The following GSG1L variants were observed in gnomAD, a reference collection of about 807,000 sequenced individuals.
GSG1L encodes the protein GSG1 like.
In GSG1L, 24 loss-of-function variants were observed where a neutral mutation model predicts 42.1. The observed-to-expected ratio is 0.57, with a 90% CI of 0.41 to 0.80. GSG1L has a LOEUF of 0.80. Ranked by LOEUF, GSG1L falls within the 30% of genes least tolerant of loss-of-function variation. The pLI is 0.00. For synonymous variants in GSG1L, 215 were observed against 203.5 expected (o/e 1.06, Z -0.48); for missense variants, 445 against 472.2 (o/e 0.94, Z 0.53).
intron 2 of GSG1L, among the ~76,000 whole-genome samples, chr16:27,905,477 C>T (rs2084310382): frequency 6.6e-6 from 1 of 151,952 alleles, no homozygotes; most frequent in African/African-American, 2.4e-5. Flanking sequence ...TGTCATGCTG[C>T]CTGGCTAATT....
At chr16:28,047,653 A>G (rs12103069) in intron 1 of GSG1L, among the ~76,000 whole-genome samples, 2,872 of 152,296 alleles carry the variant, frequency 0.019, 73 homozygotes, top group African/African-American at 0.066. Flanking sequence ...GGATAGCAAT[A>G]TTAAAATATG....
At chr16:27,902,147 G>A (rs114904524) in intron 2 of GSG1L, among the ~76,000 whole-genome samples, 4 of 152,306 alleles carry the variant, frequency 2.6e-5, no homozygotes, top group South Asian at 2.1e-4. Flanking sequence ...TCCAGCACCC[G>A]CTCCGGGAAC....
intron 6 of GSG1L, among the ~76,000 whole-genome samples, chr16:27,796,237 C>T (rs1388172412): frequency 6.6e-6 from 1 of 152,214 alleles, no homozygotes; most frequent in African/African-American, 2.4e-5. Context: ...ACAGGTCCGC[C>T]CAAAGCCAAC....
At chr16:27,961,967 C>T (rs928124150) in intron 2 of GSG1L, among the ~76,000 whole-genome samples, 1 of 152,322 alleles carries the variant, frequency 6.6e-6, no homozygotes, top group South Asian at 2.1e-4. Context: ...ATGTCACCAG[C>T]TTCCAGGACA....
chr16:27,929,028 C>T (rs996196348), intron 2 of GSG1L, among the ~76,000 whole-genome samples: 1 of 152,224 alleles, frequency 6.6e-6, no homozygotes, highest in African/African-American at 2.4e-5. Flanking sequence ...CTTTTAAAAA[C>T]TAACAATGCC....
intron 1 of GSG1L, among the ~76,000 whole-genome samples, chr16:28,004,281 G>A (rs547589658): frequency 1.3e-4 from 20 of 152,176 alleles, no homozygotes; most frequent in Non-Finnish European, 2.4e-4. Context: ...GCTGGCATCT[G>A]GGCCTTGGTC....
At chr16:27,940,213 G>T (rs921588382) in intron 2 of GSG1L, among the ~76,000 whole-genome samples, 13 of 152,254 alleles carry the variant, frequency 8.5e-5, no homozygotes, top group Admixed American at 3.9e-4. Flanking sequence ...ACAGGTTCTG[G>T]AGAGGATGTG....
intron 1 of GSG1L, among the ~76,000 whole-genome samples, chr16:28,037,419 T>G (rs1339632703): frequency 1.3e-5 from 2 of 152,228 alleles, no homozygotes; most frequent in African/African-American, 4.8e-5. Context: ...GTGGAGAAAC[T>G]TCTTCCCCTC....
At chr16:27,791,534 GC>G in intron 6 of GSG1L, 67 bp from the exon 7 acceptor site, 6 of 1,043,472 alleles carry the variant, frequency 5.8e-6, no homozygotes, top group South Asian at 2.5e-5. Context: ...TCTACCCACC[GC>G]CCCCCACCCA....
intron 3 of GSG1L, among the ~76,000 whole-genome samples, chr16:27,882,980 G>C (rs1459355449): frequency 4.6e-5 from 7 of 151,850 alleles, no homozygotes; most frequent in African/African-American, 1.7e-4. Flanking sequence ...CGTGGTCGGG[G>C]GGATGGGGGT....
At chr16:27,948,908 C>CTATTATTAATTATTAT (rs1555510176) in intron 2 of GSG1L, among the ~76,000 whole-genome samples, 1 of 141,360 alleles carries the variant, frequency 7.1e-6, no homozygotes, top group African/African-American at 2.7e-5. Flanking sequence ...CGCACCTGAT[C>CTATTATTAATTATTAT]TATTATTATT....
chr16:27,879,659 A>G (rs747464995), intron 3 of GSG1L, among the ~76,000 whole-genome samples: 1 of 152,114 alleles, frequency 6.6e-6, no homozygotes, highest in Non-Finnish European at 1.5e-5. Context: ...ATGGCTTAAT[A>G]TTTGCATCTA....
At chr16:27,902,568 G>C (rs541317204) in intron 2 of GSG1L, among the ~76,000 whole-genome samples, 168 of 152,088 alleles carry the variant, frequency 1.1e-3, no homozygotes, top group Non-Finnish European at 2.1e-3. Flanking sequence ...GGAGGGAGAG[G>C]GGGGGCCGCT....
intron 3 of GSG1L, among the ~76,000 whole-genome samples, chr16:27,864,303 AAG>A (rs1194750422): frequency 1.3e-5 from 2 of 152,190 alleles, no homozygotes; most frequent in Non-Finnish European, 2.9e-5. Flanking sequence ...GAGGGTGGAA[AAG>A]AGATAGTTTC....
chr16:27,984,164 C>T (rs1027197464), intron 1 of GSG1L, among the ~76,000 whole-genome samples: 1 of 152,150 alleles, frequency 6.6e-6, no homozygotes, highest in African/African-American at 2.4e-5. Context: ...CAAGACACCA[C>T]TTCTGTTTGT....
intron 2 of GSG1L, among the ~76,000 whole-genome samples, chr16:27,950,815 C>T (rs1435516779): frequency 6.6e-6 from 1 of 152,180 alleles, no homozygotes; most frequent in Non-Finnish European, 1.5e-5. Flanking sequence ...GTTCATTCTA[C>T]TGGGACTTCC....
chr16:27,876,895 A>C (rs1460888330), intron 3 of GSG1L, among the ~76,000 whole-genome samples: 1 of 152,212 alleles, frequency 6.6e-6, no homozygotes, highest in Non-Finnish European at 1.5e-5. Context: ...AACAAAATAG[A>C]TGCTTGCTGA....
chr16:27,930,021 T>C (rs1395082043), intron 2 of GSG1L, among the ~76,000 whole-genome samples: 1 of 152,052 alleles, frequency 6.6e-6, no homozygotes, highest in East Asian at 1.9e-4. Context: ...GGTGTGTGTA[T>C]GAGAGTCAGA....
intron 3 of GSG1L, among the ~76,000 whole-genome samples, chr16:27,883,089 A>G (rs2141022917): frequency 1.4e-5 from 2 of 146,630 alleles, no homozygotes; most frequent in African/African-American, 5.1e-5. Context: ...ACTGCTCTCC[A>G]GCCTAGGCAA....
Sources: gnomAD v4.1 joint callset for allele counts (sites outside exome capture counted in the v4.1 genomes callset) on GRCh38, gnomAD v4.1.1 for gene constraint, MANE v1.5 for transcripts, NCBI Gene and HGNC (gene_info 2026-07-23, HGNC 2026-07-21) for gene names.